Variants in ZNF608 observed in about 807,000 individuals in gnomAD.
ZNF608 encodes zinc finger protein 608.
In ZNF608, 12 loss-of-function variants were observed where a neutral mutation model predicts 109.0. The ratio of observed to expected loss-of-function variants is 0.11; its 90% CI spans 0.07 to 0.18. The LOEUF is 0.18. ZNF608 is among the 10% of genes least tolerant of loss of function. The probability of loss-of-function intolerance (pLI) is 1.00; values close to 1 mark genes in which losing one functional copy is unlikely to be tolerated. For synonymous variants in ZNF608, 732 were observed against 717.4 expected (o/e 1.02, Z -0.33); for missense variants, 1,707 against 1,879.3 (o/e 0.91, Z 1.70).
intron 3 of ZNF608, among the ~76,000 whole-genome samples, chr5:124,694,582 A>G (rs944414985): frequency 1.3e-5 from 2 of 151,802 alleles, no homozygotes; most frequent in African/African-American, 4.8e-5. Flanking sequence ...TTCTTTTTTT[A>G]TTATTATACT....
At chr5:124,651,870 G>A (rs1275454680) in intron 3 of ZNF608, among the ~76,000 whole-genome samples, 1 of 152,248 alleles carries the variant, frequency 6.6e-6, no homozygotes, top group African/African-American at 2.4e-5. Flanking sequence ...CGCTGGCCGT[G>A]CGGGGCTAGA....
chr5:124,647,618 C>A lies in ZNF608; in HGVS notation c.2766G>T (p.Leu922Phe). 1 of 1,614,176 alleles carries A rather than the reference C, an allele frequency of 6.2e-7. No homozygotes were observed. Among genetic ancestry groups the A allele is most frequent in the South Asian group, 1.1e-5 (1 of 91,074 alleles). ...GQAPMAPLHV[L>F]TQNGAESSAA... ...CTGAACTCTCTGCCCCATTCTGGGT[C>A]AACACATGCAGAGGTGCCATTGGTG... Residue 922 changes from leucine to phenylalanine, a missense_variant, in exon 5 of 10, where the codon TTG (leucine) becomes TTT (phenylalanine). This residue lies in a region of ZNF608 where 1,073 missense variants were observed against 1,133.5 expected (regional missense o/e 0.95). Coordinates refer to ENST00000513986, the MANE Select transcript of ZNF608 (RefSeq NM_020747.3).
intron 3 of ZNF608, among the ~76,000 whole-genome samples, chr5:124,670,217 G>C (rs751001666): frequency 6.6e-6 from 1 of 152,114 alleles, no homozygotes; most frequent in Non-Finnish European, 1.5e-5. Context: ...TCTTCACAGA[G>C]ATAGAGGGGA....
chr5:124,702,170 C>A (rs1373508543), intron 2 of ZNF608, among the ~76,000 whole-genome samples: 2 of 152,192 alleles, frequency 1.3e-5, no homozygotes, highest in Non-Finnish European at 2.9e-5. Flanking sequence ...ATGTACTAAA[C>A]AGTACATTCA....
intron 2 of ZNF608, among the ~76,000 whole-genome samples, chr5:124,713,985 C>T (rs1753598138): frequency 3.3e-5 from 5 of 152,200 alleles, no homozygotes; most frequent in African/African-American, 1.2e-4. Context: ...GAGCCACATT[C>T]CAGTTCTAAC....
At chr5:124,726,797 G>A (rs1318723589) in intron 2 of ZNF608, among the ~76,000 whole-genome samples, 4 of 151,956 alleles carry the variant, frequency 2.6e-5, no homozygotes, top group African/African-American at 7.3e-5. Context: ...GCCCAACTCC[G>A]AGTCCAATCT....
chr5:124,731,185 C>T (rs887106722), intron 2 of ZNF608, among the ~76,000 whole-genome samples: 2 of 152,130 alleles, frequency 1.3e-5, no homozygotes, highest in African/African-American at 4.8e-5. Context: ...CAAATTTAGT[C>T]TACTTAGTGA....
intron 3 of ZNF608, 133 bp downstream of exon 3, chr5:124,700,881 T>C (rs1157896824): frequency 1.6e-6 from 2 of 1,238,530 alleles, no homozygotes; most frequent in Non-Finnish European, 2.2e-6. Context: ...CCAACACAAA[T>C]CCAGAGAGCG....
chr5:124,651,857 G>A (rs375067344), intron 3 of ZNF608, among the ~76,000 whole-genome samples: 1 of 152,230 alleles, frequency 6.6e-6, no homozygotes, highest in African/African-American at 2.4e-5. Context: ...ATCCCCCACG[G>A]CGCGCTGGCC....
chr5:124,673,530 T>C (rs1034036605), intron 3 of ZNF608, among the ~76,000 whole-genome samples: 3 of 152,076 alleles, frequency 2.0e-5, no homozygotes, highest in African/African-American at 7.3e-5. Flanking sequence ...CATAATAGAA[T>C]TCGATAGATT....
intron 3 of ZNF608, among the ~76,000 whole-genome samples, chr5:124,676,280 T>C (rs970571087): frequency 7.0e-6 from 1 of 143,420 alleles, no homozygotes; most frequent in African/African-American, 2.6e-5. Flanking sequence ...GAGAGGTGAA[T>C]GCAGCATATG....
In ZNF608 at chr5:124,744,584, T is replaced by A. The variant is rs745912863; in HGVS notation, c.406A>T (p.Arg136Trp). 6.2e-7 allele frequency: 1 copy of A among 1,614,226 alleles called. No homozygotes were observed. Among genetic ancestry groups the A allele is most frequent in the Non-Finnish European group, 8.5e-7 (1 of 1,180,036 alleles). Reference protein sequence around the residue: ...GIPEISSTGKRQEVQGRPGEA... With the variant: ...GIPEISSTGKWQEVQGRPGEA... The stretch of plus-strand genomic sequence containing the variant: ...CCAGGGCGCCCTTGGACTTCCTGCC[T>A]CTTGCCAGTGCTGCTGATCTCGGGA... Residue 136 changes from arginine to tryptophan, a missense_variant, in exon 2 of 10, where the codon AGG becomes TGG. Transcript: ENST00000513986. This position sits in a 1 kb window ranked among gnomAD's most constrained non-coding sequence, Gnocchi z 4.5.
Position 124,647,318 on chromosome 5 carries a change from A to G in ZNF608, c.3066T>C (p.Ser1022=), listed in dbSNP as rs1178526662. 3 of 1,614,028 alleles carry G rather than the reference A, an allele frequency of 1.9e-6. No individual in the cohort carries two copies. The highest frequency in any genetic ancestry group is 2.2e-5 in the East Asian group (1 of 44,890). Residue 1022 remains serine (S), a synonymous_variant, in exon 5 of 10, where the codon AGT becomes AGC. Transcript: ENST00000513986. Reference sequence around the variant, plus strand: ...TGATCTTCATTCCCTGCGTGCTCCCACTATTTCCAGCTGCAGGGGCACCGA... The same window carrying G: ...TGATCTTCATTCCCTGCGTGCTCCCGCTATTTCCAGCTGCAGGGGCACCGA... ...GQVGAPAAGN[S]GSTQGMKIKK...
intron 2 of ZNF608, chr5:124,708,665 T>C (rs542149204): frequency 4.1e-4 from 188 of 455,414 alleles, no homozygotes; most frequent in South Asian, 2.9e-3. Flanking sequence ...AAAACTACCG[T>C]TATGCACAGA....
In ZNF608 at chr5:124,639,234, G is replaced by C. The variant is rs1355210182; in HGVS notation, c.4451-20C>G. On this transcript the variant is annotated intron_variant, in intron 8 of 9. Coordinates refer to ENST00000513986, the MANE Select transcript of ZNF608 (RefSeq NM_020747.3). ...TCAAGCCTAATGGGGAAAAAATGTA[G>C]AGTGTCTGTGATCTTTAGAAGGATA... 17 of 1,610,548 alleles carry C rather than the reference G, an allele frequency of 1.1e-5. No homozygotes were observed. The highest frequency in any genetic ancestry group is 1.4e-5 in the Non-Finnish European group (17 of 1,176,882).
chr5:124,726,554 T>C (rs1373920693), intron 2 of ZNF608, among the ~76,000 whole-genome samples: 2 of 151,956 alleles, frequency 1.3e-5, no homozygotes, highest in Non-Finnish European at 2.9e-5. Flanking sequence ...AAGAAGCCTA[T>C]CTTCTCTCAC....
intron 3 of ZNF608, among the ~76,000 whole-genome samples, chr5:124,682,567 G>T (rs1752241593): frequency 6.6e-6 from 1 of 152,176 alleles, no homozygotes; most frequent in Non-Finnish European, 1.5e-5. Context: ...ATTGGAGAAG[G>T]TCAGAAAACT....
intron 2 of ZNF608, among the ~76,000 whole-genome samples, chr5:124,716,075 G>A (rs1345885920): frequency 6.6e-6 from 1 of 150,524 alleles, no homozygotes; most frequent in African/African-American, 2.4e-5. Context: ...CCCGGGAGGC[G>A]GAGCTGGCAG....
chr5:124,712,208 G>T (rs1010842305), intron 2 of ZNF608, among the ~76,000 whole-genome samples: 1 of 152,076 alleles, frequency 6.6e-6, no homozygotes, highest in African/African-American at 2.4e-5. Context: ...TGGTGGGGTG[G>T]GGGGATAGGG....
Sources: gnomAD v4.1 joint callset for allele counts (sites outside exome capture counted in the v4.1 genomes callset) on GRCh38, gnomAD v4.1.1 for gene constraint, gnomAD v4.1.1 regional missense constraint, Gnocchi (gnomAD v3.1) non-coding constraint, MANE v1.5 for transcripts, NCBI Gene and HGNC (gene_info 2026-07-23, HGNC 2026-07-21) for gene names.